The following NAV1 variants were observed in gnomAD, a reference collection of about 807,000 sequenced individuals.
NAV1 encodes the protein pore membrane and/or filament interacting like protein 3.
Under a neutral mutation model 175.2 loss-of-function variants are expected in NAV1, and 18 were observed. That is an observed-to-expected ratio of 0.10 (90% CI 0.07 to 0.15). NAV1 has a LOEUF of 0.15. NAV1 is among the 10% of genes least tolerant of loss of function. NAV1 has a pLI of 1.00. For synonymous variants in NAV1, 897 were observed against 978.7 expected (o/e 0.92, Z 1.56); for missense variants, 1,731 against 2,436.6 (o/e 0.71, Z 6.10).
rs1345857389 is a variant in NAV1 at position 201,785,292 on chromosome 1, T to G, written c.2805-18T>G. On this transcript the variant is annotated intron_variant, in intron 7 of 29. Transcript: ENST00000367296. ...CTTCTCTCTCTCTCTCTTTTTTTTT[T>G]TTTTTTTATCTCCACAGTAATCAGC... The G allele has an allele frequency of 1.9e-6, 3 of 1,599,510 alleles. No homozygotes were observed. Among genetic ancestry groups the G allele is most frequent in the Non-Finnish European group, 2.5e-6 (3 of 1,177,414 alleles).
At chr1:201,666,181 C>T (rs1244443021) in intron 1 of NAV1, among the ~76,000 whole-genome samples, 1 of 152,050 alleles carries the variant, frequency 6.6e-6, no homozygotes, top group African/African-American at 2.4e-5. Flanking sequence ...TCCGATCTGC[C>T]CATGGAGAAG....
intron 1 of NAV1, among the ~76,000 whole-genome samples, chr1:201,711,222 T>C (rs1035055754): frequency 5.9e-5 from 9 of 152,174 alleles, no homozygotes; most frequent in African/African-American, 2.2e-4. Flanking sequence ...GCCACCAGCA[T>C]GGAGGCCTGG....
intron 1 of NAV1, among the ~76,000 whole-genome samples, chr1:201,566,381 C>T (rs1435400493): frequency 6.6e-6 from 1 of 152,158 alleles, no homozygotes; most frequent in Non-Finnish European, 1.5e-5. Context: ...TTGGCTCCAC[C>T]AGTACCTAGT....
rs185704529 is a variant in NAV1 at position 201,550,211 on chromosome 1, G to A, written c.-144+10869G>A. Among the ~76,000 whole-genome samples, 401 of 151,684 alleles carry A rather than the reference G, an allele frequency of 2.6e-3. 4 individuals carry two copies. Among genetic ancestry groups the A allele is most frequent in the African/African-American group, 9.0e-3 (372 of 41,330 alleles). ...TTAAGAGACGGGGTCTTAACCTGTT[G>A]CCCAGGCTGGAGTGCAGTGGCACCA... On this transcript the variant is annotated intron_variant, in intron 1 of 33. Transcript: ENST00000685211.
At chr1:201,657,443 G>A (rs1669449460) in intron 1 of NAV1, among the ~76,000 whole-genome samples, 1 of 152,064 alleles carries the variant, frequency 6.6e-6, no homozygotes, top group Admixed American at 6.5e-5. Flanking sequence ...TTATATTTGG[G>A]GTCAGACACC....
At chr1:201,646,985 C>T (rs1668999216), upstream of NAV1, among the ~76,000 whole-genome samples, 2 of 152,130 alleles carry the variant, frequency 1.3e-5, no homozygotes, top group South Asian at 4.1e-4. Flanking sequence ...AGGAAAGGAG[C>T]TAGAGAGATG....
At chr1:201,682,452 C>G (rs528664071) in intron 1 of NAV1, among the ~76,000 whole-genome samples, 10 of 152,288 alleles carry the variant, frequency 6.6e-5, no homozygotes, top group Non-Finnish European at 1.5e-4. Flanking sequence ...AGCAGTCCCC[C>G]ACTCTCCCTG....
chr1:201,623,381 A>G, exon 1 of NAV1: 1 of 985,938 alleles, frequency 1.0e-6, no homozygotes, highest in Non-Finnish European at 1.2e-6. Context: ...GAAGGTCGGA[A>G]GCCTCCAAGC....
intron 2 of NAV1, among the ~76,000 whole-genome samples, chr1:201,598,980 C>A (rs1269907444): frequency 6.6e-6 from 1 of 152,202 alleles, no homozygotes; most frequent in Non-Finnish European, 1.5e-5. Flanking sequence ...CAGGAAGGAG[C>A]TGCCTGTCAT....
intron 15 of NAV1, among the ~76,000 whole-genome samples, chr1:201,799,661 A>G (rs3001023): frequency 0.48 from 73,238 of 152,022 alleles, 19,435 homozygotes; most frequent in South Asian, 0.66. Context: ...GAAGTTCAAG[A>G]CCAGCCTGGT....
rs560059919 is a variant in NAV1, at chr1:201,575,146, GT to G, written c.-143-13390del. 5.9e-5 allele frequency among the ~76,000 whole-genome samples: 9 copies of G among 152,316 alleles called. No individual in the cohort carries two copies. In the South Asian group the frequency reaches 1.7e-3, roughly 28 times the overall value. ...ACTTAACTTTTCTTTGTTCTGATGT[GT>G]TTCTAACCCCTGGGACTCTCAGTGC... is the stretch of plus-strand genomic sequence containing the variant. On this transcript the variant is annotated intron_variant, in intron 1 of 33. Coordinates refer to the NAV1 transcript ENST00000685211.
exon 1 of NAV1, chr1:201,649,385 G>A (rs1230139202): frequency 6.3e-7 from 1 of 1,596,258 alleles, no homozygotes; most frequent in Non-Finnish European, 8.5e-7. Context: ...TGGTGACCGT[G>A]CTGGGAGACC....
intron 1 of NAV1, among the ~76,000 whole-genome samples, chr1:201,680,254 A>T (rs1468523668): frequency 1.3e-5 from 2 of 152,334 alleles, no homozygotes; most frequent in Non-Finnish European, 2.9e-5. Context: ...TCACGCCTGT[A>T]ATCCCAGCAC....
At chr1:201,803,552 T>C in intron 15 of NAV1, 41 bp from the exon 20 acceptor site, 1 of 1,602,368 alleles carries the variant, frequency 6.2e-7, no homozygotes, top group Non-Finnish European at 8.5e-7. Context: ...ACATCCTCTC[T>C]AAATCTGTTC....
At chr1:201,669,519 C>T (rs1669953533) in intron 1 of NAV1, among the ~76,000 whole-genome samples, 1 of 152,214 alleles carries the variant, frequency 6.6e-6, no homozygotes, top group Non-Finnish European at 1.5e-5. Flanking sequence ...CAAACAGGGC[C>T]TTGTAGATGA....
rs200825037 is a variant in NAV1, at chr1:201,782,390, C to G, written c.1878C>G (p.Ala626=). 4.6e-4 allele frequency: 735 copies of G among 1,614,146 alleles called. 7 individuals carry two copies. The Admixed American group carries it at 8.1e-3, about 18-fold the overall frequency. The change falls in exon 6 of 30, where the codon GCC becomes GCG. Residue 626 remains alanine (A), a synonymous_variant. Coordinates refer to ENST00000367296, the Ensembl canonical transcript of NAV1. This position sits in a 1 kb window ranked among gnomAD's most constrained non-coding sequence, Gnocchi z 5.4. The stretch of plus-strand genomic sequence containing the variant: ...CTGTCATGCAAACTGGTGGTTCAGC[C>G]ACTCTCAGCAAGATCCAGAAGTCCT...
At chr1:201,559,058 GA>G (rs1443035481) in intron 1 of NAV1, among the ~76,000 whole-genome samples, 1 of 152,086 alleles carries the variant, frequency 6.6e-6, no homozygotes, top group Non-Finnish European at 1.5e-5. Context: ...TGTAAAATGG[GA>G]ATAATTTTAA....
At chr1:201,783,595 C>T (rs757122773) in exon 7 of NAV1, 2 of 1,614,180 alleles carry the variant, frequency 1.2e-6, no homozygotes, top group South Asian at 1.1e-5. Flanking sequence ...CACCCATCCT[C>T]AATATTAACT....
At chr1:201,561,182 T>C (rs957758911) in intron 1 of NAV1, among the ~76,000 whole-genome samples, 2 of 152,210 alleles carry the variant, frequency 1.3e-5, no homozygotes, top group Non-Finnish European at 2.9e-5. Flanking sequence ...CTTCTCTTCA[T>C]TTTAAAGGGA....
Sources: allele counts gnomAD v4.1 joint callset (sites outside exome capture counted in the v4.1 genomes callset), GRCh38; gene constraint gnomAD v4.1.1; non-coding constraint Gnocchi (gnomAD v3.1); transcripts MANE v1.5; gene names NCBI Gene and HGNC (gene_info 2026-07-23, HGNC 2026-07-21).